The following EYS variants were observed in gnomAD, a reference collection of about 807,000 sequenced individuals.
The protein encoded by EYS is EGF-like photoreceptor maintenance factor, also known as protein eyes shut homolog.
In EYS, 250 loss-of-function variants were observed where a neutral mutation model predicts 282.1. The observed-to-expected ratio is 0.89, with a 90% CI of 0.80 to 0.98. The LOEUF (loss-of-function observed/expected upper bound fraction) is 0.98, where lower values mean the gene tolerates loss of function less well. Ranked by LOEUF, EYS falls within the 50% of genes least tolerant of loss-of-function variation. EYS has a pLI of 0.00. For missense variants in EYS, 4,016 were observed against 3,709.0 expected, an observed-to-expected ratio of 1.08 and a Z score of -2.15; for synonymous variants, 1,355 against 1,282.9, an observed-to-expected ratio of 1.06 and a Z score of -1.20.
intron 22 of EYS, among the ~76,000 whole-genome samples, chr6:64,778,696 C>A (rs570027068): frequency 7.2e-5 from 11 of 152,196 alleles, no homozygotes; most frequent in South Asian, 2.1e-4. Context: ...AAAACCACCA[C>A]CAACAACAAC....
At position 64,283,832 on chromosome 6, in the gene EYS, C is replaced by T. The variant is rs113833107; in HGVS notation, c.6191+23138G>A. Among the ~76,000 whole-genome samples, 1,296 of 152,198 alleles carry T rather than the reference C, an allele frequency of 8.5e-3. 5 individuals are homozygous for T. The highest frequency in any genetic ancestry group is 0.013 in the Non-Finnish European group (887 of 68,010). The stretch of plus-strand genomic sequence containing the variant: ...AGAGAAAATAAGGAAGATGCACAAG[C>T]AGAAACCCCTGATAAACCCATCAGA... On this transcript the variant is annotated intron_variant, in intron 30 of 42. Coordinates refer to ENST00000503581, the MANE Select transcript of EYS (RefSeq NM_001142800.2).
intron 1 of EYS, among the ~76,000 whole-genome samples, chr6:65,649,038 C>T (rs770798007): frequency 2.8e-5 from 4 of 143,968 alleles, no homozygotes; most frequent in Non-Finnish European, 6.0e-5. Flanking sequence ...CTCAGCTACT[C>T]GGGAGGCTGA....
intron 26 of EYS, among the ~76,000 whole-genome samples, chr6:64,511,050 T>C: frequency 6.6e-6 from 1 of 151,926 alleles, no homozygotes; most frequent in East Asian, 2.0e-4. Flanking sequence ...ATGGGAGAAA[T>C]TGGTGGTTGA....
intron 33 of EYS, among the ~76,000 whole-genome samples, chr6:64,003,709 C>T (rs537890642): frequency 2.2e-3 from 330 of 152,314 alleles, no homozygotes; most frequent in Non-Finnish European, 3.0e-3. Context: ...CAAATCCCAT[C>T]TTGAATTGTA....
chr6:63,881,172 G>A (rs1407123927), intron 35 of EYS, among the ~76,000 whole-genome samples: 1 of 151,426 alleles, frequency 6.6e-6, no homozygotes, highest in African/African-American at 2.5e-5. Context: ...TTCACTATTT[G>A]GGGGGATCGT....
At chr6:64,952,723 G>A (rs1165804758) in intron 14 of EYS, among the ~76,000 whole-genome samples, 3 of 151,982 alleles carry the variant, frequency 2.0e-5, no homozygotes, top group Non-Finnish European at 4.4e-5. Context: ...TAGATTTTAT[G>A]ATACATTTAA....
chr6:64,270,475 T>G (rs988661405), intron 30 of EYS, among the ~76,000 whole-genome samples: 1 of 152,178 alleles, frequency 6.6e-6, no homozygotes, highest in Non-Finnish European at 1.5e-5. Context: ...ACGTCTAATC[T>G]AACTACACAT....
At chr6:63,752,839 T>C (rs898499797) in intron 41 of EYS, among the ~76,000 whole-genome samples, 14 of 152,152 alleles carry the variant, frequency 9.2e-5, no homozygotes, top group African/African-American at 3.1e-4. Flanking sequence ...ACATTTTTAT[T>C]AGAGTTCAGT....
chr6:65,180,899 G>A (rs929299692), intron 12 of EYS, among the ~76,000 whole-genome samples: 1 of 152,014 alleles, frequency 6.6e-6, no homozygotes, highest in Non-Finnish European at 1.5e-5. Context: ...CATAAATAAT[G>A]CTGCATATCT....
intron 7 of EYS, among the ~76,000 whole-genome samples, chr6:65,394,686 C>A (rs1000633065): frequency 6.6e-6 from 1 of 152,076 alleles, no homozygotes; most frequent in South Asian, 2.1e-4. Context: ...CTCAGATATC[C>A]CAGGAAGCCA....
chr6:64,844,320 G>T (rs78464178), intron 19 of EYS, among the ~76,000 whole-genome samples: 8,717 of 149,508 alleles, frequency 0.058, 264 homozygotes, highest in East Asian at 0.1. Flanking sequence ...AAATGAGTGA[G>T]ACTAAAACCA....
At chr6:64,436,846 C>T (rs2150464473) in intron 27 of EYS, among the ~76,000 whole-genome samples, 1 of 151,848 alleles carries the variant, frequency 6.6e-6, no homozygotes, top group Middle Eastern at 3.4e-3. Flanking sequence ...CATGGATGTG[C>T]TACATTGGCT....
chr6:65,455,902 A>G (rs190817473), intron 5 of EYS, among the ~76,000 whole-genome samples: 126 of 152,014 alleles, frequency 8.3e-4, no homozygotes, highest in South Asian at 3.1e-3. Context: ...TTAATTTTAC[A>G]AGAGTAGCAC....
At chr6:65,206,626 C>T (rs1309099442) in intron 12 of EYS, among the ~76,000 whole-genome samples, 1 of 151,582 alleles carries the variant, frequency 6.6e-6, no homozygotes, top group South Asian at 2.1e-4. Flanking sequence ...TGTAAAAATC[C>T]TCAACAAAAT....
intron 29 of EYS, among the ~76,000 whole-genome samples, chr6:64,347,844 T>TAAA (rs1771467973): frequency 6.6e-6 from 1 of 151,366 alleles, no homozygotes; most frequent in Non-Finnish European, 1.5e-5. Context: ...ATAGCACTTC[T>TAAA]CCTTCACTCT....
Position 65,645,333 on chromosome 6 carries a change from C to G in EYS, c.-447-5441G>C, listed in dbSNP as rs567578412. 2.6e-5 allele frequency among the ~76,000 whole-genome samples: 4 copies of G among 152,220 alleles called. 1 individual carries two copies. Among genetic ancestry groups the G allele is most frequent in the African/African-American group, 9.6e-5 (4 of 41,560 alleles). On this transcript the variant is annotated intron_variant, in intron 1 of 42. Coordinates refer to ENST00000503581, the MANE Select transcript of EYS (RefSeq NM_001142800.2). ...AAGAAAATCAAAATTATATAAAGTACTCTCTCAGACCACAGTGGAATAAAA... is the reference window on the plus strand; with the variant it reads ...AAGAAAATCAAAATTATATAAAGTAGTCTCTCAGACCACAGTGGAATAAAA...
chr6:64,305,988 G>C (rs1304451409), intron 30 of EYS, among the ~76,000 whole-genome samples: 1 of 152,038 alleles, frequency 6.6e-6, no homozygotes, highest in Non-Finnish European at 1.5e-5. Flanking sequence ...TCTGATAAGG[G>C]ATTAATATTC....
At chr6:64,619,400 T>A (rs1319166907) in intron 23 of EYS, among the ~76,000 whole-genome samples, 1 of 152,030 alleles carries the variant, frequency 6.6e-6, no homozygotes, top group Non-Finnish European at 1.5e-5. Flanking sequence ...GGAGACAGAT[T>A]TTTACAATAG....
rs74536348 is a variant in EYS, at chr6:64,360,333, T to C, written c.6078+28357A>G. On this transcript the variant is annotated intron_variant, in intron 29 of 42. Coordinates refer to ENST00000503581, the MANE Select transcript of EYS (RefSeq NM_001142800.2). ...CACACTCTGACCTCATGTTGTGATA[T>C]TTGGAGGGGCACGCTACACCCCTAA... 4.3e-3 allele frequency among the ~76,000 whole-genome samples: 648 copies of C among 151,774 alleles called. 5 individuals are homozygous for C. The highest frequency in any genetic ancestry group is 0.015 in the African/African-American group (611 of 41,470).
Sources: gnomAD v4.1 joint callset for allele counts (sites outside exome capture counted in the v4.1 genomes callset) on GRCh38, gnomAD v4.1.1 for gene constraint, MANE v1.5 for transcripts, NCBI Gene and HGNC (gene_info 2026-07-23, HGNC 2026-07-21) for gene names.